Variants in NUMB observed in about 807,000 individuals in gnomAD.
The protein encoded by NUMB is protein numb homolog.
Under a neutral mutation model 59.7 loss-of-function variants are expected in NUMB, and 29 were observed. That is an observed-to-expected ratio of 0.49 (90% CI 0.36 to 0.66). The LOEUF is 0.66. Ranked by LOEUF, NUMB falls within the 30% of genes least tolerant of loss-of-function variation. NUMB has a pLI of 0.00. For synonymous variants in NUMB, 288 were observed against 288.2 expected (o/e 1.00, Z 0.01); for missense variants, 723 against 822.0 (o/e 0.88, Z 1.47).
chr14:73,336,814 A>T (rs1892343829), intron 4 of NUMB, among the ~76,000 whole-genome samples: 1 of 152,206 alleles, frequency 6.6e-6, no homozygotes, highest in Non-Finnish European at 1.5e-5. Context: ...CCCTTAATAT[A>T]CTCAATAAAT....
chr14:73,389,412 T>A, intron 2 of NUMB, among the ~76,000 whole-genome samples: 1 of 151,774 alleles, frequency 6.6e-6, no homozygotes. Flanking sequence ...AATCTTTGTC[T>A]CCCAGGTTCA....
intron 6 of NUMB, among the ~76,000 whole-genome samples, chr14:73,310,503 C>T (rs1399701334): frequency 6.6e-6 from 1 of 152,060 alleles, no homozygotes; most frequent in African/African-American, 2.4e-5. Flanking sequence ...TAAGGCATAC[C>T]CGAGGAAAGC....
intron 6 of NUMB, among the ~76,000 whole-genome samples, chr14:73,315,611 C>A (rs1891044449): frequency 6.6e-6 from 1 of 151,752 alleles, no homozygotes; most frequent in Non-Finnish European, 1.5e-5. Flanking sequence ...TAGCAGGATC[C>A]CTAAAGGTAA....
intron 2 of NUMB, among the ~76,000 whole-genome samples, chr14:73,381,975 A>C (rs1223816677): frequency 6.6e-6 from 1 of 152,170 alleles, no homozygotes; most frequent in Non-Finnish European, 1.5e-5. Flanking sequence ...AGCTTTTGGA[A>C]ACCTCACAGC....
At position 73,366,976 on chromosome 14, in the gene NUMB, C is replaced by T. The variant is rs1403738260; in HGVS notation, c.-95G>A. The T allele has an allele frequency of 1.3e-5, 2 of 152,054 alleles. No individual in the cohort carries two copies. Among genetic ancestry groups the T allele is most frequent in the East Asian group, 3.8e-4 (2 of 5,202 alleles). The allele number at this position is 152,054 out of a possible 1,614,324, so 9.4% of individuals were successfully genotyped here. A position where few individuals can be genotyped will look rare whatever the true frequency, so the allele number is the denominator to read the frequency against. On this transcript the variant is annotated 5_prime_UTR_variant, in exon 3 of 13. Coordinates refer to ENST00000555238, the MANE Select transcript of NUMB (RefSeq NM_001005743.2). ...TCGTAACTTCACCAAGCCTCAGTTT[C>T]CTCATCTGTAAAATGAGAATAATAA...
At chr14:73,390,201 A>C (rs1330763740) in intron 2 of NUMB, among the ~76,000 whole-genome samples, 1 of 152,224 alleles carries the variant, frequency 6.6e-6, no homozygotes, top group Non-Finnish European at 1.5e-5. Context: ...TAATTATCAA[A>C]AAATGGGAAC....
chr14:73,405,437 T>C (rs112758052), intron 2 of NUMB, among the ~76,000 whole-genome samples: 713 of 38,076 alleles, frequency 0.019, 19 homozygotes, highest in Non-Finnish European at 0.021. Context: ...TTCTTTCTCT[T>C]TTTTTTTTTT....
At chr14:73,402,260 C>A (rs1011204497) in intron 2 of NUMB, among the ~76,000 whole-genome samples, 2 of 152,142 alleles carry the variant, frequency 1.3e-5, no homozygotes, top group Non-Finnish European at 2.9e-5. Context: ...TACTACTAAT[C>A]AACAGTATCT....
intron 2 of NUMB, among the ~76,000 whole-genome samples, chr14:73,382,125 C>T (rs1361911609): frequency 2.6e-5 from 4 of 152,176 alleles, no homozygotes; most frequent in Non-Finnish European, 2.9e-5. Context: ...TCCCAACATG[C>T]GGAGGCAAAG....
intron 4 of NUMB, among the ~76,000 whole-genome samples, chr14:73,354,012 G>A (rs1322443638): frequency 1.3e-5 from 2 of 152,088 alleles, no homozygotes; most frequent in African/African-American, 4.8e-5. Flanking sequence ...AAGTGATTAG[G>A]AAAACTCCTA....
chr14:73,361,503 G>A (rs905398364), intron 3 of NUMB, among the ~76,000 whole-genome samples: 5 of 151,582 alleles, frequency 3.3e-5, no homozygotes, highest in African/African-American at 1.2e-4. Context: ...TACATGTGAA[G>A]GTTACATAGG....
intron 4 of NUMB, among the ~76,000 whole-genome samples, chr14:73,344,324 T>C (rs1191092048): frequency 6.6e-6 from 1 of 152,212 alleles, no homozygotes; most frequent in Non-Finnish European, 1.5e-5. Flanking sequence ...AACTTGCCTC[T>C]GAGAAATACT....
At chr14:73,359,433 A>G (rs1020929492) in intron 3 of NUMB, among the ~76,000 whole-genome samples, 1 of 152,254 alleles carries the variant, frequency 6.6e-6, no homozygotes, top group Non-Finnish European at 1.5e-5. Context: ...ATACACATAT[A>G]TACAGACTGA....
At chr14:73,443,629 G>A (rs1883243555) in intron 1 of NUMB, among the ~76,000 whole-genome samples, 1 of 151,356 alleles carries the variant, frequency 6.6e-6, no homozygotes, top group Non-Finnish European at 1.5e-5. Flanking sequence ...AAAACAGGCT[G>A]AGAGGATTGA....
intron 1 of NUMB, among the ~76,000 whole-genome samples, chr14:73,446,887 T>G (rs1165665930): frequency 6.6e-6 from 1 of 151,552 alleles, no homozygotes; most frequent in East Asian, 1.9e-4. Flanking sequence ...TTTAAATAAC[T>G]TTTTTAAAAA....
rs905245940 is a variant in NUMB at position 73,276,006 on chromosome 14, T to C, written c.*572A>G. On this transcript the variant is annotated 3_prime_UTR_variant, in exon 13 of 13. Coordinates refer to ENST00000555238, the MANE Select transcript of NUMB (RefSeq NM_001005743.2). ...AATAAAGATTTTGGCTTTTGATATA[T>C]ATAATATTTATTCTGTTACTCAAAA... is the stretch of plus-strand genomic sequence containing the variant. 1.3e-5 allele frequency: 2 copies of C among 152,984 alleles called. No individual in the cohort carries two copies. The highest frequency in any genetic ancestry group is 1.9e-4 in the East Asian group (1 of 5,190). 9.5% of individuals were successfully genotyped at this position (152,984 alleles called of 1,614,324 possible).
intron 9 of NUMB, chr14:73,286,314 A>T (rs1014438389): frequency 4.8e-5 from 7 of 146,410 alleles, no homozygotes; most frequent in Non-Finnish European, 8.9e-5. Context: ...TTGAGATTAC[A>T]GCTGTAAGCC....
Position 73,276,561 on chromosome 14 carries a change from A to G in NUMB, c.*17T>C. Reference sequence around the variant, plus strand: ...TCCCTGTCTGGTATGGACAAGATACATAGCCATAATGATTGCTTAAAGTTC... The same window carrying G: ...TCCCTGTCTGGTATGGACAAGATACGTAGCCATAATGATTGCTTAAAGTTC... On this transcript the variant is annotated 3_prime_UTR_variant, in exon 13 of 13. Coordinates refer to ENST00000555238, the MANE Select transcript of NUMB (RefSeq NM_001005743.2). 5 of 1,594,776 alleles carry G rather than the reference A, an allele frequency of 3.1e-6. No homozygotes were observed. The South Asian group carries it at 3.4e-5, about 11-fold the overall frequency.
At chr14:73,436,923 A>G in intron 1 of NUMB, among the ~76,000 whole-genome samples, 1 of 151,708 alleles carries the variant, frequency 6.6e-6, no homozygotes. Flanking sequence ...AGGTTGCAGT[A>G]AACTGAGATC....
Sources: allele counts gnomAD v4.1 joint callset (sites outside exome capture counted in the v4.1 genomes callset), GRCh38; gene constraint gnomAD v4.1.1; transcripts MANE v1.5; gene names NCBI Gene and HGNC (gene_info 2026-07-23, HGNC 2026-07-21).